The following ADA2 variants were observed in gnomAD, a reference collection of about 807,000 sequenced individuals.
The protein encoded by ADA2 is adenosine deaminase CECR1.
A neutral mutation model predicts 44.2 loss-of-function variants in ADA2; 29 were observed. The observed-to-expected ratio is 0.66, with a 90% CI of 0.49 to 0.89. The LOEUF (loss-of-function observed/expected upper bound fraction) is 0.89, where lower values mean the gene tolerates loss of function less well. ADA2 is among the 40% of genes least tolerant of loss of function. ADA2 has a pLI of 0.00. For missense variants in ADA2, 637 were observed against 644.8 expected (o/e 0.99, Z 0.13); for synonymous variants, 215 against 234.9 (o/e 0.92, Z 0.77).
chr22:17,215,338 C>T (rs1384756358), intron 1 of ADA2, among the ~76,000 whole-genome samples: 4 of 152,032 alleles, frequency 2.6e-5, no homozygotes, highest in Non-Finnish European at 4.4e-5. Flanking sequence ...CGGTGGCTTA[C>T]GCCTGTAATC....
chr22:17,193,040 T>C (rs753578126), intron 4 of ADA2: 17 of 717,148 alleles, frequency 2.4e-5, no homozygotes, highest in South Asian at 9.1e-5. Flanking sequence ...ACGGGGTTCA[T>C]AGAAGGTTCA....
chr22:17,214,623 G>T (rs1206231834), intron 1 of ADA2, among the ~76,000 whole-genome samples: 2 of 152,170 alleles, frequency 1.3e-5, no homozygotes, highest in African/African-American at 4.8e-5. Flanking sequence ...CTAGCTTGGG[G>T]CCTATGCTGG....
intron 2 of ADA2, among the ~76,000 whole-genome samples, chr22:17,207,613 G>A (rs1469636712): frequency 6.6e-6 from 1 of 152,108 alleles, no homozygotes; most frequent in African/African-American, 2.4e-5. Flanking sequence ...GGAGCCAGGG[G>A]TGATCTTGTC....
At chr22:17,203,875 C>A in intron 3 of ADA2, 102 bp from the exon 4 acceptor site, 1 of 728,412 alleles carries the variant, frequency 1.4e-6, no homozygotes, top group South Asian at 1.6e-5. Context: ...CAGCTAGCAG[C>A]TCACAGGATT....
chr22:17,190,332 G>A (rs2062099436), intron 5 of ADA2, among the ~76,000 whole-genome samples: 1 of 152,182 alleles, frequency 6.6e-6, no homozygotes, highest in African/African-American at 2.4e-5. Flanking sequence ...TGCGTTTAGA[G>A]GAGGCCAGGT....
chr22:17,193,868 C>T (rs2062155721), intron 4 of ADA2, among the ~76,000 whole-genome samples: 1 of 151,026 alleles, frequency 6.6e-6, no homozygotes, highest in Non-Finnish European at 1.5e-5. Context: ...TCAGGAGTGA[C>T]AATAGGGTCA....
At chr22:17,199,655 C>T (rs548042651) in intron 4 of ADA2, 10 of 1,612,362 alleles carry the variant, frequency 6.2e-6, no homozygotes, top group South Asian at 2.2e-5. Context: ...GCTATTAGGA[C>T]GCTCAGAGAG....
intron 4 of ADA2, among the ~76,000 whole-genome samples, chr22:17,200,252 A>G (rs1317180918): frequency 5.3e-5 from 8 of 152,082 alleles, no homozygotes; most frequent in Non-Finnish European, 5.9e-5. Flanking sequence ...CTTCCAGCCT[A>G]CCTAGGCCAG....
intron 4 of ADA2, among the ~76,000 whole-genome samples, chr22:17,195,873 G>A (rs907914333): frequency 5.3e-5 from 8 of 150,280 alleles, no homozygotes; most frequent in East Asian, 2.0e-4. Context: ...CACGACTCCC[G>A]AGTAGCTGGG....
At chr22:17,197,042 G>A (rs2062200122) in intron 4 of ADA2, among the ~76,000 whole-genome samples, 1 of 151,878 alleles carries the variant, frequency 6.6e-6, no homozygotes, top group Non-Finnish European at 1.5e-5. Flanking sequence ...GCATGGTGAT[G>A]GGCACCTGTA....
At chr22:17,213,315 C>T (rs184014779) in intron 1 of ADA2, among the ~76,000 whole-genome samples, 2 of 152,234 alleles carry the variant, frequency 1.3e-5, no homozygotes, top group Non-Finnish European at 2.9e-5. Flanking sequence ...AACTACCATA[C>T]GATCCAGCAA....
At chr22:17,213,280 A>C (rs986016857) in intron 1 of ADA2, among the ~76,000 whole-genome samples, 2 of 152,190 alleles carry the variant, frequency 1.3e-5, no homozygotes, top group African/African-American at 4.8e-5. Flanking sequence ...AACAGTATGG[A>C]TATTTCTTGA....
At chr22:17,210,192 AT>A (rs35411316) in intron 1 of ADA2, among the ~76,000 whole-genome samples, 61,146 of 134,582 alleles carry the variant, frequency 0.45, 13,596 homozygotes, top group East Asian at 0.79. Context: ...ACCACCTGGC[AT>A]TTTTTTTTTT....
intron 1 of ADA2, among the ~76,000 whole-genome samples, chr22:17,217,037 G>A (rs1473635245): frequency 6.6e-6 from 1 of 151,660 alleles, no homozygotes. Flanking sequence ...AGGAACAGGA[G>A]GTGATTAAAA....
intron 3 of ADA2, among the ~76,000 whole-genome samples, chr22:17,204,940 T>C (rs1428975277): frequency 6.6e-6 from 1 of 151,508 alleles, no homozygotes. Flanking sequence ...AGACTATAGG[T>C]GTACACCACC....
intron 3 of ADA2, 142 bp from the exon 4 acceptor site, chr22:17,203,915 A>G (rs2062322618): frequency 1.5e-6 from 1 of 647,338 alleles, no homozygotes; most frequent in Admixed American, 2.3e-5. Context: ...GGAAGGGGCA[A>G]AGGGGAGCAT....
At position 17,207,325 on chromosome 22, in the gene ADA2, G is replaced by A. The variant is rs181379020; in HGVS notation, c.323-35C>T. The A allele has an allele frequency of 8.6e-5, 129 of 1,494,376 alleles. No individual in the cohort carries two copies. In the East Asian group the frequency reaches 2.9e-3, roughly 34 times the overall value. 92.6% of individuals were successfully genotyped at this position (1,494,376 alleles called of 1,614,324 possible). A position where few individuals can be genotyped will look rare whatever the true frequency, so the allele number is the denominator to read the frequency against. On this transcript the variant is annotated intron_variant, in intron 2 of 9. Coordinates refer to ENST00000399837, the MANE Select transcript of ADA2 (RefSeq NM_001282225.2). ...GAAGAAGAATGGTGAAGACAAAGGG[G>A]TGAAGTCCCATCCCAGGACTCCAGG...
At chr22:17,192,090 G>C (rs1243164099) in intron 4 of ADA2, among the ~76,000 whole-genome samples, 3 of 152,112 alleles carry the variant, frequency 2.0e-5, no homozygotes, top group African/African-American at 7.2e-5. Flanking sequence ...TTTGGATTAG[G>C]CCAAGTGGCC....
chr22:17,217,869 G>T (rs1427123746), intron 1 of ADA2, among the ~76,000 whole-genome samples: 1 of 152,138 alleles, frequency 6.6e-6, no homozygotes, highest in Non-Finnish European at 1.5e-5. Flanking sequence ...CTCTACACTT[G>T]AAAGTATGAT....
Sources: gnomAD v4.1 joint callset for allele counts (sites outside exome capture counted in the v4.1 genomes callset) on GRCh38, gnomAD v4.1.1 for gene constraint, MANE v1.5 for transcripts, NCBI Gene and HGNC (gene_info 2026-07-23, HGNC 2026-07-21) for gene names.